The following SS18 variants were observed in gnomAD, a reference collection of about 807,000 sequenced individuals.
SS18 encodes the protein SS18 subunit of BAF chromatin remodeling complex, also known as protein SSXT.
Under a neutral mutation model 72.5 loss-of-function variants are expected in SS18, and 28 were observed. The observed-to-expected ratio is 0.39, with a 90% confidence interval of 0.29 to 0.53. The LOEUF (loss-of-function observed/expected upper bound fraction) is 0.53, where lower values mean the gene tolerates loss of function less well. Ranked by LOEUF, SS18 falls within the 20% of genes least tolerant of loss-of-function variation. The probability of loss-of-function intolerance (pLI) is 0.76; values close to 1 mark genes in which losing one functional copy is unlikely to be tolerated. For synonymous variants in SS18, 172 were observed against 164.2 expected (o/e 1.05, Z -0.37); for missense variants, 518 against 535.3 (o/e 0.97, Z 0.32).
chr18:26,079,925 A>T lies in SS18; in HGVS notation c.147-1765T>A, dbSNP rs184593697. On this transcript the variant is annotated intron_variant, in intron 2 of 10. Transcript: ENST00000415083. The stretch of plus-strand genomic sequence containing the variant: ...GCTACTTATTTTTCTCCTGTTACAA[A>T]CAACAGGTTTCACAGCTTTTTTTTT... 1.3e-3 allele frequency among the ~76,000 whole-genome samples: 197 copies of T among 151,930 alleles called. 1 individual carries two copies. Among genetic ancestry groups the T allele is most frequent in the African/African-American group, 4.2e-3 (176 of 41,424 alleles).
At chr18:26,080,900 T>A (rs1280135956) in intron 2 of SS18, among the ~76,000 whole-genome samples, 1 of 152,152 alleles carries the variant, frequency 6.6e-6, no homozygotes. Context: ...TATTCCCTCA[T>A]ATAACAGGAC....
chr18:26,049,695 G>C (rs1475231251), intron 5 of SS18, among the ~76,000 whole-genome samples: 1 of 152,016 alleles, frequency 6.6e-6, no homozygotes, highest in Non-Finnish European at 1.5e-5. Context: ...ATTTCTTTTT[G>C]TAAAAAATGC....
rs1168123162 is a variant in SS18, at chr18:26,039,347, G to A, written c.717C>T (p.Asn239=). 3.1e-6 allele frequency: 5 copies of A among 1,613,878 alleles called. No individual in the cohort carries two copies. The Admixed American group carries it at 6.7e-5, about 22-fold the overall frequency. ...TCTGACCCATCATATGATTGCCTTGGTTAACTTGACCCATCATTCCCATAG... is the reference window on the plus strand; with the variant it reads ...TCTGACCCATCATATGATTGCCTTGATTAACTTGACCCATCATTCCCATAG... ...QPPMGMMGQV[N]QGNHMMGQRQ... Residue 239 remains asparagine (N), a synonymous_variant, in exon 6 of 11, where the codon AAC becomes AAT. Coordinates refer to ENST00000415083, the MANE Select transcript of SS18 (RefSeq NM_001007559.3).
At chr18:26,079,141 G>A (rs1342794155) in intron 2 of SS18, 1 of 152,182 alleles carries the variant, frequency 6.6e-6, no homozygotes, top group South Asian at 2.1e-4. Flanking sequence ...GAAAAAAAGA[G>A]ATATGCTAAA....
In SS18 at chr18:26,020,129, TG is replaced by T. The variant is rs2053322438; in HGVS notation, c.1231-1750del. On this transcript the variant is annotated intron_variant, in intron 10 of 10. Coordinates refer to ENST00000415083, the MANE Select transcript of SS18 (RefSeq NM_001007559.3). The stretch of plus-strand genomic sequence containing the variant: ...AGCATACTGGAGCTTATTATTCCAT[TG>T]TTAGATTGTCTAAATACTAAATCTG... Among the ~76,000 whole-genome samples the T allele has an allele frequency of 7.2e-5, 11 of 152,328 alleles. No homozygotes were observed. In the South Asian group the frequency reaches 2.3e-3, roughly 32 times the overall value.
intron 3 of SS18, among the ~76,000 whole-genome samples, chr18:26,060,224 AATACTT>A (rs1221582486): frequency 1.3e-5 from 2 of 152,236 alleles, no homozygotes; most frequent in African/African-American, 4.8e-5. Context: ...ACAAAGAAGA[AATACTT>A]ATACATGCTA....
chr18:26,080,319 G>T, intron 2 of SS18: 2 of 985,054 alleles, frequency 2.0e-6, no homozygotes, highest in Non-Finnish European at 2.4e-6. Context: ...TTCAGTCTAG[G>T]CCTTCAAGTT....
rs768684001 is a variant in SS18, at chr18:26,035,822, TATA to T, written c.973+6_973+8del. 6 of 1,579,240 alleles carry T rather than the reference TATA, an allele frequency of 3.8e-6. No homozygotes were observed. The highest frequency in any genetic ancestry group is 5.2e-6 in the Non-Finnish European group (6 of 1,155,608). Reference sequence around the variant, plus strand: ...ATATATGTGTATGTGTGTGAAGGTATATAGATACCTCCTTCGTAGTAATGTTGT... The same window carrying T: ...ATATATGTGTATGTGTGTGAAGGTATGATACCTCCTTCGTAGTAATGTTGT... On this transcript the variant is annotated splice_donor_region_variant and intron_variant, in intron 8 of 10. Transcript: ENST00000415083. This position sits in a 1 kb window ranked among gnomAD's most constrained non-coding sequence, Gnocchi z 4.4.
intron 5 of SS18, among the ~76,000 whole-genome samples, chr18:26,047,623 C>A (rs191391766): frequency 0.015 from 2,214 of 152,078 alleles, 59 homozygotes; most frequent in African/African-American, 0.051. Context: ...GGGCAGATCA[C>A]AAGGTCAGGA....
intron 10 of SS18, among the ~76,000 whole-genome samples, chr18:26,030,903 A>C (rs2053532687): frequency 6.6e-6 from 1 of 152,192 alleles, no homozygotes. Context: ...ATGTTTCAGA[A>C]ATATAGAAAC....
intron 10 of SS18, among the ~76,000 whole-genome samples, chr18:26,020,449 C>T (rs1267447825): frequency 1.3e-5 from 2 of 152,064 alleles, no homozygotes; most frequent in Non-Finnish European, 2.9e-5. Flanking sequence ...AAGTGAGTTG[C>T]AAATATAAAT....
At chr18:26,048,896 T>A (rs1440739102) in intron 5 of SS18, among the ~76,000 whole-genome samples, 1 of 152,234 alleles carries the variant, frequency 6.6e-6, no homozygotes. Flanking sequence ...AAAAGCTTGA[T>A]GATTAGCCAA....
At chr18:26,090,432 C>A in intron 1 of SS18, 69 bp downstream of exon 1, 1 of 1,498,168 alleles carries the variant, frequency 6.7e-7, no homozygotes. Flanking sequence ...CGGGCCCGGC[C>A]CTTCCCCCCG....
chr18:26,065,105 T>C (rs2054189216), intron 3 of SS18, among the ~76,000 whole-genome samples: 1 of 152,148 alleles, frequency 6.6e-6, no homozygotes, highest in Admixed American at 6.5e-5. Flanking sequence ...TATGCCATCT[T>C]TGTTGACTGG....
At chr18:26,038,231 C>T (rs1251033527) in intron 7 of SS18, among the ~76,000 whole-genome samples, 1 of 151,958 alleles carries the variant, frequency 6.6e-6, no homozygotes, top group East Asian at 1.9e-4. Context: ...CTTAATGAAG[C>T]TCTTATTAAA....
chr18:26,063,156 A>T (rs2054153255), intron 3 of SS18, among the ~76,000 whole-genome samples: 1 of 152,226 alleles, frequency 6.6e-6, no homozygotes, highest in Non-Finnish European at 1.5e-5. Flanking sequence ...TTGAAATCAT[A>T]TAAAATATAT....
At chr18:26,073,306 AT>A (rs1245359726) in intron 3 of SS18, among the ~76,000 whole-genome samples, 1 of 152,228 alleles carries the variant, frequency 6.6e-6, no homozygotes. Flanking sequence ...CAGAACTATG[AT>A]TAGAGGAAAA....
At chr18:26,062,032 G>A (rs1221459971) in intron 3 of SS18, among the ~76,000 whole-genome samples, 1 of 152,174 alleles carries the variant, frequency 6.6e-6, no homozygotes, top group Non-Finnish European at 1.5e-5. Flanking sequence ...AGGCCGAGGT[G>A]GGGGAATCCC....
Position 26,035,173 on chromosome 18 carries a change from TA to T in SS18, c.974-47del. The T allele has an allele frequency of 1.2e-6, 2 of 1,601,106 alleles. No homozygotes were observed. Among genetic ancestry groups the T allele is most frequent in the Non-Finnish European group, 1.7e-6 (2 of 1,172,506 alleles). ...AGGAAAAAAAACTGAGAAGTCTGCT[TA>T]AGTAACTTTTTTCCCTCTAAGATGC... On this transcript the variant is annotated intron_variant, in intron 8 of 10. Coordinates refer to ENST00000415083, the MANE Select transcript of SS18 (RefSeq NM_001007559.3). This position sits in a 1 kb window ranked among gnomAD's most constrained non-coding sequence, Gnocchi z 4.4.
Sources: gnomAD v4.1 joint callset for allele counts (sites outside exome capture counted in the v4.1 genomes callset) on GRCh38, gnomAD v4.1.1 for gene constraint, Gnocchi (gnomAD v3.1) non-coding constraint, MANE v1.5 for transcripts, NCBI Gene and HGNC (gene_info 2026-07-23, HGNC 2026-07-21) for gene names.